Variants in WDR36 observed in about 807,000 individuals in gnomAD.
The protein encoded by WDR36 is WD repeat domain 36.
WDR36 carries 63 observed loss-of-function variants against 112.7 expected under a neutral mutation model. The observed-to-expected ratio is 0.56, with a 90% CI of 0.46 to 0.69. The LOEUF is 0.69. WDR36 is among the 30% of genes least tolerant of loss of function. The pLI is 0.00. For missense variants in WDR36, 1,226 were observed against 1,070.3 expected (o/e 1.15, Z -2.03); for synonymous variants, 410 against 362.2 (o/e 1.13, Z -1.50).
chr5:111,095,798 GT>G (rs1752964708), intron 2 of WDR36, among the ~76,000 whole-genome samples: 1 of 152,122 alleles, frequency 6.6e-6, no homozygotes, highest in Non-Finnish European at 1.5e-5. Context: ...TCCTTCTACT[GT>G]AAGGAGAAGT....
At chr5:111,116,186 T>G (rs914532848) in intron 16 of WDR36, among the ~76,000 whole-genome samples, 3 of 151,914 alleles carry the variant, frequency 2.0e-5, no homozygotes, top group Non-Finnish European at 4.4e-5. Context: ...TGACCTCAAG[T>G]GATCCACCCA....
intron 2 of WDR36, among the ~76,000 whole-genome samples, chr5:111,096,847 A>C (rs912559020): frequency 1.8e-4 from 27 of 152,194 alleles, no homozygotes; most frequent in Non-Finnish European, 3.8e-4. Flanking sequence ...TATTTCTGCA[A>C]ATCCTAGACA....
chr5:111,098,979 A>C, intron 4 of WDR36, 140 bp downstream of exon 4: 1 of 652,654 alleles, frequency 1.5e-6, no homozygotes, highest in Non-Finnish European at 2.7e-6. Flanking sequence ...TTTAACGTGT[A>C]AGAAAAAAAG....
At chr5:111,114,961 C>G (rs1001660785) in intron 16 of WDR36, among the ~76,000 whole-genome samples, 9 of 152,116 alleles carry the variant, frequency 5.9e-5, no homozygotes, top group African/African-American at 1.4e-4. Flanking sequence ...AAATTAGGAT[C>G]TGAAAGTAGC....
At chr5:111,095,402 A>G (rs1039480512) in intron 2 of WDR36, among the ~76,000 whole-genome samples, 1 of 152,180 alleles carries the variant, frequency 6.6e-6, no homozygotes, top group Non-Finnish European at 1.5e-5. Flanking sequence ...TTTGTAACGA[A>G]TAAGTATCTT....
At chr5:111,097,786 G>C (rs1753023504) in intron 3 of WDR36, among the ~76,000 whole-genome samples, 2 of 152,124 alleles carry the variant, frequency 1.3e-5, no homozygotes, top group Admixed American at 6.5e-5. Flanking sequence ...TAGGAATGGG[G>C]GTACAAAGAT....
intron 4 of WDR36, among the ~76,000 whole-genome samples, chr5:111,099,596 C>T (rs1753078228): frequency 6.6e-6 from 1 of 150,698 alleles, no homozygotes; most frequent in Non-Finnish European, 1.5e-5. Context: ...GAACAGAATT[C>T]CAAAAGTATT....
At chr5:111,123,722 G>A in intron 19 of WDR36, 83 bp from the exon 20 acceptor site, 1 of 1,545,938 alleles carries the variant, frequency 6.5e-7, no homozygotes. Context: ...TTTGGTATTT[G>A]TTTTAAAATT....
Position 111,092,431 on chromosome 5 carries a change from T to C in WDR36, c.-26T>C, listed in dbSNP as rs1215124371. 1 of 1,614,192 alleles carries C rather than the reference T, an allele frequency of 6.2e-7. No homozygotes were observed. Among genetic ancestry groups the C allele is most frequent in the Admixed American group, 1.7e-5 (1 of 60,020 alleles). On this transcript the variant is annotated 5_prime_UTR_variant, in exon 1 of 23. Coordinates refer to ENST00000513710, the MANE Select transcript of WDR36 (RefSeq NM_139281.3). ...ACGTGTTTTCCTTCAGGACCAGAGC[T>C]GAGAGGAGCTGGGATCGCGGCGGCA...
At chr5:111,100,285 A>C (rs1016277716) in intron 4 of WDR36, among the ~76,000 whole-genome samples, 19 of 151,704 alleles carry the variant, frequency 1.3e-4, no homozygotes, top group African/African-American at 4.4e-4. Flanking sequence ...AATCCTTAGG[A>C]TCTTTTTTTT....
At chr5:111,095,533 G>A (rs568883080) in intron 2 of WDR36, among the ~76,000 whole-genome samples, 10 of 152,276 alleles carry the variant, frequency 6.6e-5, no homozygotes, top group East Asian at 5.8e-4. Flanking sequence ...GTTGCCAAAT[G>A]CATGTTGATT....
Position 111,092,594 on chromosome 5 carries a change from G to T in WDR36, c.138G>T (p.Val46=), listed in dbSNP as rs1277982496. The T allele has an allele frequency of 6.2e-7, 1 of 1,613,760 alleles. No individual in the cohort carries two copies. Among genetic ancestry groups the T allele is most frequent in the Admixed American group, 1.7e-5 (1 of 60,018 alleles). The change falls in exon 1 of 23, where the codon GTG becomes GTT. Residue 46 remains valine, a synonymous_variant. Coordinates refer to ENST00000513710, the MANE Select transcript of WDR36 (RefSeq NM_139281.3). The stretch of plus-strand genomic sequence containing the variant: ...GCCGGTTCTATGTAACAACCTGCGT[G>T]GGCAAGAGTTTCCACACCTATGACG... ...LKRRFYVTTC[V]GKSFHTYDVQ...
rs150350973 is a variant in WDR36 at position 111,107,422 on chromosome 5, G to T, written c.1309G>T (p.Asp437Tyr). The change falls in exon 12 of 23, where the codon GAT becomes TAT. Residue 437 changes from aspartate to tyrosine, a missense_variant. Transcript: ENST00000513710. ...TCTCAAGCCAAAAGAGTTGAAGAAA[G>T]ATGACATAACTGCAACAGTAAGTGA... ...YFLKPKELKK[D>Y]DITATAVDIT... 6.2e-7 allele frequency: 1 copy of T among 1,610,068 alleles called. No homozygotes were observed. Among genetic ancestry groups the T allele is most frequent in the African/African-American group, 1.3e-5 (1 of 74,824 alleles).
At chr5:111,094,846 C>G in intron 1 of WDR36, 74 bp from the exon 2 acceptor site, 3 of 1,237,540 alleles carry the variant, frequency 2.4e-6, no homozygotes, top group Non-Finnish European at 3.5e-6. Flanking sequence ...GAGGTTATAT[C>G]TTAATCTTCA....
intron 3 of WDR36, 115 bp downstream of exon 3, chr5:111,097,294 T>G: frequency 1.3e-6 from 1 of 770,696 alleles, no homozygotes; most frequent in Non-Finnish European, 2.2e-6. Context: ...ACAGTATTCT[T>G]TTTTTTCTAA....
chr5:111,104,178 T>C lies in WDR36; in HGVS notation c.732T>C (p.Asp244=), dbSNP rs367607702. 18 of 1,610,376 alleles carry C rather than the reference T, an allele frequency of 1.1e-5. No individual in the cohort carries two copies. The African/African-American group carries it at 1.3e-4, about 12-fold the overall frequency. The change falls in exon 8 of 23, where the codon GAT becomes GAC. Residue 244 remains aspartate, a splice_region_variant and synonymous_variant. Coordinates refer to ENST00000513710, the MANE Select transcript of WDR36 (RefSeq NM_139281.3). ...GPITSISFRT[D]GHPVMAAGSP... ...TAATGTATTTTATTTTAATAACAGA[T>C]GGTCATCCAGTAATGGCAGCTGGAA...
At chr5:111,118,246 C>T (rs1753496388) in intron 16 of WDR36, among the ~76,000 whole-genome samples, 1 of 152,192 alleles carries the variant, frequency 6.6e-6, no homozygotes, top group Admixed American at 6.5e-5. Flanking sequence ...CCTTATCCAC[C>T]ACATTTCTCT....
Position 111,127,104 on chromosome 5 carries a change from A to G in WDR36, c.*221A>G. 1 of 426,946 alleles carries G rather than the reference A, an allele frequency of 2.3e-6. No individual in the cohort carries two copies. The highest frequency in any genetic ancestry group is 4.6e-5 in the South Asian group (1 of 21,684). 26.4% of individuals were successfully genotyped at this position (426,946 alleles called of 1,614,324 possible). On this transcript the variant is annotated 3_prime_UTR_variant, in exon 23 of 23. Transcript: ENST00000513710. ...GTAATTCCAGCACTTTCAGAGGCCA[A>G]AGCGGGAGGATTGCTTGAAGCCAGG...
chr5:111,121,733 A>G (rs1271971274), intron 19 of WDR36, among the ~76,000 whole-genome samples: 3 of 152,166 alleles, frequency 2.0e-5, no homozygotes, highest in East Asian at 3.9e-4. Context: ...AAAATGGACA[A>G]CTATGGTATA....
Sources: gnomAD v4.1 joint callset for allele counts (sites outside exome capture counted in the v4.1 genomes callset) on GRCh38, gnomAD v4.1.1 for gene constraint, MANE v1.5 for transcripts, NCBI Gene and HGNC (gene_info 2026-07-23, HGNC 2026-07-21) for gene names.